Variants in CHRNE observed in about 807,000 individuals in gnomAD.
CHRNE encodes the protein acetylcholine receptor subunit epsilon.
Under a neutral mutation model 56.5 loss-of-function variants are expected in CHRNE, and 58 were observed. The ratio of observed to expected loss-of-function variants is 1.03; its 90% CI spans 0.83 to 1.28. The LOEUF (loss-of-function observed/expected upper bound fraction) is 1.28, where lower values mean the gene tolerates loss of function less well. Among genes scored for constraint, CHRNE ranks in the 50% most tolerant of loss-of-function variants. The pLI is 0.00. For missense variants in CHRNE, 793 were observed against 688.9 expected, an observed-to-expected ratio of 1.15 and a Z score of -1.69; for synonymous variants, 385 against 297.9, an observed-to-expected ratio of 1.29 and a Z score of -3.01.
chr17:4,899,634 G>A (rs1969888920), intron 8 of CHRNE, 52 bp from the exon 9 acceptor site: 1 of 1,482,248 alleles, frequency 6.7e-7, no homozygotes, highest in Non-Finnish European at 9.2e-7. Context: ...AGCTACCGAA[G>A]GCGCCGCGCG....
chr17:4,900,174 G>T, intron 8 of CHRNE: 1 of 1,545,602 alleles, frequency 6.5e-7, no homozygotes, highest in Admixed American at 2.0e-5. Context: ...TAGGATACGC[G>T]GCGATCGGGT....
Position 4,898,875 on chromosome 17 carries a change from A to C in CHRNE, c.1343T>G (p.Val448Gly), listed in dbSNP as rs1969824493. The C allele has an allele frequency of 1.9e-6, 3 of 1,581,772 alleles. No individual in the cohort carries two copies. The highest frequency in any genetic ancestry group is 2.6e-6 in the Non-Finnish European group (3 of 1,164,364). The change falls in exon 12 of 12, where the codon GTG (valine) becomes GGG (glycine). Residue 448 changes from valine to glycine, a missense_variant. Physicochemically the swap from Val to Gly is moderately radical, Grantham distance 109. Transcript: ENST00000649488. ...GTTGTCAAGGGCATTCCCCATGCGC[A>C]CCCAGTCGGACACTTCCTGGGGAAG... ...EATGEEVSDW[V>G]RMGNALDNIC...
upstream of CHRNE, among the ~76,000 whole-genome samples, chr17:4,905,721 T>C (rs569269024): frequency 2.0e-5 from 3 of 151,250 alleles, no homozygotes; most frequent in Non-Finnish European, 4.4e-5. Flanking sequence ...ATTAGCTGGG[T>C]GTGGTGGCTG....
Position 4,898,285 on chromosome 17 carries a change from G to GTGTT in CHRNE, c.*447_*450dup, listed in dbSNP as rs1396856538. On this transcript the variant is annotated 3_prime_UTR_variant, in exon 12 of 12. Coordinates refer to ENST00000649488, the MANE Select transcript of CHRNE (RefSeq NM_000080.4). ...GGCCTGAGGGCCACCAGCACTGAAG[G>GTGTT]TGTTTGGTTCCCACCCGCTCCAGCA... is the stretch of plus-strand genomic sequence containing the variant. 4 of 269,200 alleles carry GTGTT rather than the reference G, an allele frequency of 1.5e-5. No individual in the cohort carries two copies. The highest frequency in any genetic ancestry group is 2.2e-5 in the African/African-American group (1 of 45,168). The allele number at this position is 269,200 out of a possible 1,614,324, so 16.7% of individuals were successfully genotyped here. A position where few individuals can be genotyped will look rare whatever the true frequency, so the allele number is the denominator to read the frequency against.
intron 8 of CHRNE, chr17:4,899,989 C>T: frequency 6.4e-7 from 1 of 1,551,552 alleles, no homozygotes; most frequent in South Asian, 1.2e-5. Flanking sequence ...TGGCCGCAGC[C>T]CATGAATATC....
In CHRNE at chr17:4,902,917, A is replaced by C; in HGVS notation, c.46+101T>G. ...ATTATGCTGTGCCTGGGAACGAAAT[A>C]CTGTGTCTAAGTCTCCATCTTGGTC... On this transcript the variant is annotated intron_variant, in intron 1 of 11. Coordinates refer to ENST00000649488, the MANE Select transcript of CHRNE (RefSeq NM_000080.4). The surrounding 1 kb of genome is among the most constrained non-coding windows in gnomAD (Gnocchi z 4.0). 6.3e-7 allele frequency: 1 copy of C among 1,584,516 alleles called. No homozygotes were observed. Among genetic ancestry groups the C allele is most frequent in the South Asian group, 1.1e-5 (1 of 90,380 alleles).
At position 4,902,405 on chromosome 17, in the gene CHRNE, G is replaced by A. The variant is rs753463023; in HGVS notation, c.234+45C>T. ...CCTGGGAGGGGTTTGGGGGAAAAGG[G>A]GTGCCCTGGACAAGACCTCACACCA... On this transcript the variant is annotated intron_variant, in intron 3 of 11. Transcript: ENST00000649488. The surrounding 1 kb of genome is among the most constrained non-coding windows in gnomAD (Gnocchi z 4.0). 3.7e-6 allele frequency: 6 copies of A among 1,614,000 alleles called. No individual in the cohort carries two copies. The East Asian group carries it at 1.3e-4, about 36-fold the overall frequency.
Position 4,899,343 on chromosome 17 carries a change from C to T in CHRNE, c.1074G>A (p.Pro358=), listed in dbSNP as rs745744138. The T allele has an allele frequency of 1.5e-5, 23 of 1,544,476 alleles. No homozygotes were observed. In the African/African-American group the frequency reaches 2.3e-4, roughly 16 times the overall value. The change falls in exon 10 of 12, where the codon CCG becomes CCA. Residue 358 remains proline, a synonymous_variant. Coordinates refer to ENST00000649488, the MANE Select transcript of CHRNE (RefSeq NM_000080.4). ...AGGCGGCCCGGGGGGCCTCGGGCGG[C>T]GGCGGGGAGCCCAGGAGGCGCGGCA... is the stretch of plus-strand genomic sequence containing the variant. The part of the protein sequence containing the change: ...ELLPRLLGSP[P]PPEAPRAASP...
chr17:4,901,127 G>A lies in CHRNE; in HGVS notation c.665C>T (p.Thr222Ile), dbSNP rs754148818. The A allele has an allele frequency of 3.7e-6, 6 of 1,612,728 alleles. No homozygotes were observed. The South Asian group carries it at 4.4e-5, about 12-fold the overall frequency. Residue 222 changes from threonine to isoleucine, a missense_variant, in exon 7 of 12, where the codon ACC (threonine) becomes ATC (isoleucine). Physicochemically the swap from Thr to Ile is moderately conservative, Grantham distance 89. Coordinates refer to ENST00000649488, the MANE Select transcript of CHRNE (RefSeq NM_000080.4). ...GVIRRHHGGA[T>I]DGPGETDVIY... ...GACGTCAGTCTCCCCTGGGCCGTCGGTGGCGCCACCGTGGTGGCGGCGGAT... is the reference window on the plus strand; with the variant it reads ...GACGTCAGTCTCCCCTGGGCCGTCGATGGCGCCACCGTGGTGGCGGCGGAT...
intron 8 of CHRNE, 142 bp from the exon 9 acceptor site, chr17:4,899,724 TC>T (rs1176784246): frequency 3.9e-6 from 6 of 1,533,612 alleles, no homozygotes; most frequent in Non-Finnish European, 5.3e-6. Context: ...GACAGACGCG[TC>T]CCCCAGCCCT....
chr17:4,901,137 C>A lies in CHRNE; in HGVS notation c.655G>T (p.Gly219Cys), dbSNP rs765394012. ...FCPGVIRRHH[G>C]GATDGPGETD... is the part of the protein sequence containing the mutation. ...TCCCCTGGGCCGTCGGTGGCGCCAC[C>A]GTGGTGGCGGCGGATCACCCCCGGG... Residue 219 changes from glycine to cysteine, a missense_variant, in exon 7 of 12, where the codon GGT (glycine) becomes TGT (cysteine). Gly to Cys is a radical substitution (Grantham distance 159). Coordinates refer to ENST00000649488, the MANE Select transcript of CHRNE (RefSeq NM_000080.4). 7 of 1,611,958 alleles carry A rather than the reference C, an allele frequency of 4.3e-6. No individual in the cohort carries two copies. The highest frequency in any genetic ancestry group is 4.2e-6 in the Non-Finnish European group (5 of 1,179,922).
rs1386403481 is a variant in CHRNE, at chr17:4,898,902, G to A, written c.1327-11C>T. 4 of 1,572,856 alleles carry A rather than the reference G, an allele frequency of 2.5e-6. No homozygotes were observed. Among genetic ancestry groups the A allele is most frequent in the Non-Finnish European group, 3.4e-6 (4 of 1,159,540 alleles). On this transcript the variant is annotated splice_polypyrimidine_tract_variant and intron_variant, in intron 11 of 11. Coordinates refer to ENST00000649488, the MANE Select transcript of CHRNE (RefSeq NM_000080.4). ...CCAGTCGGACACTTCCTGGGGAAGG[G>A]TCGGCACAGTCAGTAAAGAGGCAGC...
upstream of CHRNE, among the ~76,000 whole-genome samples, chr17:4,904,775 A>G (rs1258726272): frequency 6.6e-6 from 1 of 152,158 alleles, no homozygotes; most frequent in Non-Finnish European, 1.5e-5. Flanking sequence ...CCCACCTATG[A>G]GGTAGGTCAT....
upstream of CHRNE, among the ~76,000 whole-genome samples, chr17:4,903,802 G>A (rs911052623): frequency 2.0e-5 from 3 of 152,148 alleles, no homozygotes; most frequent in East Asian, 1.9e-4. Context: ...AAACACACAC[G>A]TGCACACATA....
At chr17:4,903,543 C>T (rs537737006), upstream of CHRNE, among the ~76,000 whole-genome samples, 26 of 152,240 alleles carry the variant, frequency 1.7e-4, no homozygotes, top group Middle Eastern at 3.4e-3. Flanking sequence ...TTCTTGCCGA[C>T]AGAGTGGCAA....
Position 4,898,803 on chromosome 17 carries a change from A to C in CHRNE, c.1415T>G (p.Leu472Arg). The C allele has an allele frequency of 6.2e-7, 1 of 1,607,062 alleles. No individual in the cohort carries two copies. The stretch of plus-strand genomic sequence containing the variant: ...GTTGAAGTAGGCCCCGAGGAAGATG[A>C]GGCTGGAGCCCACGCTGAAGAGCAC... ...ALVLFSVGSS[L>R]IFLGAYFNRV... Residue 472 changes from leucine (L) to arginine (R), a missense_variant, in exon 12 of 12, where the codon CTC (leucine) becomes CGC (arginine). Physicochemically the swap from Leu to Arg is moderately radical, Grantham distance 102 (BLOSUM62 -2). Coordinates refer to ENST00000649488, the MANE Select transcript of CHRNE (RefSeq NM_000080.4).
chr17:4,902,338 G>C lies in CHRNE; in HGVS notation c.235-12C>G. 1 of 1,614,094 alleles carries C rather than the reference G, an allele frequency of 6.2e-7. No homozygotes were observed. The highest frequency in any genetic ancestry group is 1.1e-5 in the South Asian group (1 of 91,084). ...TAATCCTGCCAATCCTAAGGGGTGG[G>C]GGATGGAAGGCCGCGTGCCCTGCAT... On this transcript the variant is annotated splice_polypyrimidine_tract_variant and intron_variant, in intron 3 of 11. Coordinates refer to ENST00000649488, the MANE Select transcript of CHRNE (RefSeq NM_000080.4). This position sits in a 1 kb window ranked among gnomAD's most constrained non-coding sequence, Gnocchi z 4.0.
In CHRNE at chr17:4,902,602, G is replaced by A; in HGVS notation, c.189+19C>T. The A allele has an allele frequency of 6.2e-7, 1 of 1,614,186 alleles. No individual in the cohort carries two copies. Among genetic ancestry groups the A allele is most frequent in the Non-Finnish European group, 8.5e-7 (1 of 1,180,050 alleles). On this transcript the variant is annotated intron_variant, in intron 2 of 11. Coordinates refer to ENST00000649488, the MANE Select transcript of CHRNE (RefSeq NM_000080.4). The surrounding 1 kb of genome is among the most constrained non-coding windows in gnomAD (Gnocchi z 4.0). ...AGAAGTGGGATTTTTGGCTTAAGAT[G>A]AGGGTGGGGGTAGCTTACCAGTGAG...
chr17:4,903,323 GT>G (rs1396281723), upstream of CHRNE, among the ~76,000 whole-genome samples: 2 of 151,974 alleles, frequency 1.3e-5, no homozygotes, highest in Non-Finnish European at 2.9e-5. Context: ...AGCCACAGAT[GT>G]GGGCGTCTCC....
Sources: allele counts gnomAD v4.1 joint callset (sites outside exome capture counted in the v4.1 genomes callset), GRCh38; gene constraint gnomAD v4.1.1; non-coding constraint Gnocchi (gnomAD v3.1); transcripts MANE v1.5; gene names NCBI Gene and HGNC (gene_info 2026-07-23, HGNC 2026-07-21).